Variants in NPAS3 observed in about 807,000 individuals in gnomAD.
The protein encoded by NPAS3 is neuronal PAS domain protein 3.
Under a neutral mutation model 73.1 loss-of-function variants are expected in NPAS3, and 14 were observed. The ratio of observed to expected loss-of-function variants is 0.19; its 90% CI spans 0.13 to 0.30. The LOEUF (loss-of-function observed/expected upper bound fraction) is 0.30. NPAS3 is among the 10% of genes least tolerant of loss of function. The probability of loss-of-function intolerance (pLI) is 1.00; values close to 1 mark genes in which losing one functional copy is unlikely to be tolerated. For missense variants in NPAS3, 1,096 were observed against 1,250.0 expected (o/e 0.88, Z 1.86); for synonymous variants, 620 against 541.5 (o/e 1.14, Z -2.01).
At chr14:33,622,550 T>C (rs905709455) in intron 5 of NPAS3, among the ~76,000 whole-genome samples, 3 of 152,174 alleles carry the variant, frequency 2.0e-5, no homozygotes, top group African/African-American at 7.2e-5. Flanking sequence ...TTCTACAGAT[T>C]TGACAGATCT....
At chr14:33,575,813 A>C (rs2056410336) in intron 5 of NPAS3, among the ~76,000 whole-genome samples, 1 of 152,218 alleles carries the variant, frequency 6.6e-6, no homozygotes, top group South Asian at 2.1e-4. Flanking sequence ...TGTTCACGTC[A>C]AAGTAGATAA....
intron 3 of NPAS3, among the ~76,000 whole-genome samples, chr14:33,295,975 T>C (rs1039623814): frequency 1.3e-5 from 2 of 152,246 alleles, no homozygotes; most frequent in African/African-American, 2.4e-5. Context: ...TATGCTGCAG[T>C]GCTTTACAAA....
chr14:33,242,375 G>A (rs1199161081), intron 3 of NPAS3, among the ~76,000 whole-genome samples: 17 of 152,066 alleles, frequency 1.1e-4, no homozygotes, highest in East Asian at 7.7e-4. Context: ...CACCTGTCCC[G>A]TTTTTTCCCT....
In NPAS3 at chr14:33,499,108, A is replaced by C. The variant is rs140848541; in HGVS notation, c.469-61013A>C. Among the ~76,000 whole-genome samples, 1,361 of 151,934 alleles carry C rather than the reference A, an allele frequency of 9.0e-3. 15 individuals carry two copies. Among genetic ancestry groups the C allele is most frequent in the African/African-American group, 0.031 (1,287 of 41,486 alleles). ...AAGCACAAGTCATTAACACTGTAGG[A>C]AAAGCCCTGAAACAAGTGACTATAA... On this transcript the variant is annotated intron_variant, in intron 4 of 11. Transcript: ENST00000356141.
At chr14:33,405,711 T>G (rs2047636373) in intron 4 of NPAS3, among the ~76,000 whole-genome samples, 1 of 152,106 alleles carries the variant, frequency 6.6e-6, no homozygotes, top group African/African-American at 2.4e-5. Context: ...GAACATAAAA[T>G]TCATCAGAGT....
chr14:32,969,819 C>T (rs775250414), intron 1 of NPAS3, among the ~76,000 whole-genome samples: 35 of 152,048 alleles, frequency 2.3e-4, no homozygotes, highest in Non-Finnish European at 2.8e-4. Flanking sequence ...ATGTTTACTT[C>T]TCAGAAACAC....
At chr14:33,720,034 C>A (rs1041329738) in intron 6 of NPAS3, among the ~76,000 whole-genome samples, 4 of 151,828 alleles carry the variant, frequency 2.6e-5, no homozygotes, top group Non-Finnish European at 4.4e-5. Flanking sequence ...AATCTCATTG[C>A]CAAATATAAG....
Position 33,777,133 on chromosome 14 carries a change from G to A in NPAS3, c.1047-1333G>A, listed in dbSNP as rs539199593. On this transcript the variant is annotated intron_variant, in intron 8 of 11. Coordinates refer to ENST00000356141, the Ensembl canonical transcript of NPAS3. ...AAGCCGACATCTAATGCTTTCAGAG[G>A]AGCTGGCAAATTTCAGAAACACCAG... 3.3e-5 allele frequency among the ~76,000 whole-genome samples: 5 copies of A among 152,290 alleles called. No individual in the cohort carries two copies. The South Asian group carries it at 8.3e-4, about 25-fold the overall frequency.
At chr14:32,939,169 G>A, upstream of NPAS3, 1 of 177,352 alleles carries the variant, frequency 5.6e-6, no homozygotes. Flanking sequence ...CCCGGCCCCG[G>A]CCACCGCCCG....
At chr14:32,955,950 T>C (rs1004358872) in intron 1 of NPAS3, among the ~76,000 whole-genome samples, 2 of 152,114 alleles carry the variant, frequency 1.3e-5, no homozygotes, top group Non-Finnish European at 2.9e-5. Context: ...TGTTGTGGGG[T>C]CCCTGAAGAT....
chr14:33,403,812 TTC>T (rs375753954), intron 4 of NPAS3, among the ~76,000 whole-genome samples: 25 of 149,238 alleles, frequency 1.7e-4, no homozygotes, highest in Admixed American at 4.7e-4. Flanking sequence ...CTGATGCCCT[TTC>T]TCTCTCTCTC....
intron 3 of NPAS3, among the ~76,000 whole-genome samples, chr14:33,360,678 T>G (rs1236534632): frequency 6.6e-6 from 1 of 152,198 alleles, no homozygotes; most frequent in African/African-American, 2.4e-5. Flanking sequence ...CTGGAATAAT[T>G]AAGCAAGTAA....
intron 7 of NPAS3, among the ~76,000 whole-genome samples, chr14:33,736,602 A>AT (rs143298802): frequency 0.018 from 2,798 of 152,290 alleles, 80 homozygotes; most frequent in African/African-American, 0.064. Context: ...ATGTAGCCTT[A>AT]GCAAGTTTGG....
At chr14:33,631,586 G>T (rs1391989953) in intron 5 of NPAS3, among the ~76,000 whole-genome samples, 1 of 152,190 alleles carries the variant, frequency 6.6e-6, no homozygotes, top group East Asian at 1.9e-4. Flanking sequence ...GAGTTAACTA[G>T]CAGCCAACCA....
chr14:33,289,961 C>A (rs1183680697), intron 3 of NPAS3, among the ~76,000 whole-genome samples: 1 of 152,128 alleles, frequency 6.6e-6, no homozygotes, highest in Non-Finnish European at 1.5e-5. Flanking sequence ...CTTCAGTTTC[C>A]CCATGGATGT....
intron 4 of NPAS3, among the ~76,000 whole-genome samples, chr14:33,492,783 A>G (rs1290869409): frequency 6.6e-6 from 1 of 152,150 alleles, no homozygotes; most frequent in East Asian, 1.9e-4. Context: ...TCGATTGGTT[A>G]ATTTGATAAT....
upstream of NPAS3, among the ~76,000 whole-genome samples, chr14:32,935,820 T>C (rs61980314): frequency 0.32 from 48,747 of 152,106 alleles, 8,367 homozygotes; most frequent in African/African-American, 0.43. Flanking sequence ...AGGACAACTT[T>C]TGATGTTCCA....
chr14:32,998,725 A>T (rs976664198), intron 1 of NPAS3, among the ~76,000 whole-genome samples: 1 of 152,064 alleles, frequency 6.6e-6, no homozygotes, highest in East Asian at 1.9e-4. Flanking sequence ...TTGCCAAAAC[A>T]CTTTGTTATT....
At chr14:33,083,007 C>G (rs1466338679) in intron 2 of NPAS3, among the ~76,000 whole-genome samples, 2 of 151,708 alleles carry the variant, frequency 1.3e-5, no homozygotes, top group Non-Finnish European at 2.9e-5. Flanking sequence ...ATGGCAAAAC[C>G]TTGTCTCTAC....
Sources: allele counts gnomAD v4.1 joint callset (sites outside exome capture counted in the v4.1 genomes callset), GRCh38; gene constraint gnomAD v4.1.1; transcripts MANE v1.5; gene names NCBI Gene and HGNC (gene_info 2026-07-23, HGNC 2026-07-21).